Variants in THRB observed in about 807,000 individuals in gnomAD.
THRB encodes thyroid hormone receptor beta.
THRB carries 12 observed loss-of-function variants against 47.8 expected under a neutral mutation model. That is an observed-to-expected ratio of 0.25 (90% CI 0.16 to 0.41). The LOEUF is 0.41. THRB is among the 10% of genes least tolerant of loss of function. THRB has a pLI of 1.00. For synonymous variants in THRB, 218 were observed against 212.2 expected, an observed-to-expected ratio of 1.03 and a Z score of -0.24; for missense variants, 348 against 589.2, an observed-to-expected ratio of 0.59 and a Z score of 4.24.
chr3:24,182,424 T>G (rs969529084), intron 5 of THRB, among the ~76,000 whole-genome samples: 2 of 152,176 alleles, frequency 1.3e-5, no homozygotes, highest in Non-Finnish European at 2.9e-5. Flanking sequence ...TATCTGATTT[T>G]GTCTGAAAAC....
chr3:24,313,323 G>C (rs1018586061), intron 2 of THRB, among the ~76,000 whole-genome samples: 6 of 152,142 alleles, frequency 3.9e-5, no homozygotes, highest in African/African-American at 1.4e-4. Context: ...TTCCTTGAAG[G>C]TGAGGGACCC....
At chr3:24,390,407 G>A (rs1416155791) in intron 1 of THRB, among the ~76,000 whole-genome samples, 1 of 151,832 alleles carries the variant, frequency 6.6e-6, no homozygotes. Flanking sequence ...TGACATATCA[G>A]CATATATAAT....
In THRB at chr3:24,301,406, A is replaced by G. The variant is rs150332412; in HGVS notation, c.-188-4035T>C. ...GTGCTTTTCTGTGAGTTAACTACTT[A>G]TATCTTTTCCCCATTTTCCCTACTG... On this transcript the variant is annotated intron_variant, in intron 2 of 10. Transcript: ENST00000646209. Among the ~76,000 whole-genome samples, 446 of 152,234 alleles carry G rather than the reference A, an allele frequency of 2.9e-3. 1 individual carries two copies. The highest frequency in any genetic ancestry group is 3.6e-3 in the Non-Finnish European group (246 of 68,016).
intron 3 of THRB, among the ~76,000 whole-genome samples, chr3:24,273,928 T>C (rs140220877): frequency 6.6e-6 from 1 of 152,236 alleles, no homozygotes; most frequent in Non-Finnish European, 1.5e-5. Context: ...GCCTATCCTT[T>C]ATTTTTCTTG....
At chr3:24,373,432 G>C in intron 1 of THRB, among the ~76,000 whole-genome samples, 1 of 152,088 alleles carries the variant, frequency 6.6e-6, no homozygotes, top group East Asian at 1.9e-4. Context: ...CAAACATGCA[G>C]ACACTCCAGG....
intron 3 of THRB, among the ~76,000 whole-genome samples, chr3:24,254,334 G>T (rs1304647383): frequency 6.7e-6 from 1 of 149,878 alleles, no homozygotes; most frequent in Admixed American, 6.7e-5. Context: ...GGCAAAGCTT[G>T]CAGTGAGCCC....
intron 3 of THRB, among the ~76,000 whole-genome samples, chr3:24,284,650 C>T (rs1211908396): frequency 2.7e-5 from 4 of 149,566 alleles, no homozygotes; most frequent in South Asian, 2.1e-4. Context: ...AGGCAACCTA[C>T]AGAATGGGAG....
At chr3:24,465,578 A>T (rs916586025) in intron 1 of THRB, among the ~76,000 whole-genome samples, 1 of 151,978 alleles carries the variant, frequency 6.6e-6, no homozygotes. Context: ...TAATTTTTGT[A>T]TGTTTAGTAG....
rs2034170379 is a variant in THRB at position 24,133,465 on chromosome 3, A to G, written c.739-3T>C. On this transcript the variant is annotated splice_region_variant and splice_polypyrimidine_tract_variant and intron_variant, in intron 8 of 10. Transcript: ENST00000646209. ...GGTGCTTGTCCAATGTCTTCTGGCT[A>G]AGGAGGAGAAAAAAGAAAGATTTAA... The G allele has an allele frequency of 1.2e-6, 2 of 1,613,920 alleles. No homozygotes were observed. The highest frequency in any genetic ancestry group is 1.7e-6 in the Non-Finnish European group (2 of 1,179,810).
chr3:24,304,908 G>T (rs2057232023), intron 2 of THRB, among the ~76,000 whole-genome samples: 1 of 152,118 alleles, frequency 6.6e-6, no homozygotes, highest in Admixed American at 6.5e-5. Context: ...AGAAAAAATG[G>T]ATGATTTCTT....
chr3:24,362,569 A>G (rs1030659050), intron 1 of THRB, among the ~76,000 whole-genome samples: 34 of 152,058 alleles, frequency 2.2e-4, no homozygotes, highest in African/African-American at 7.5e-4. Context: ...TTTTAAATGG[A>G]CTCTCATCCA....
chr3:24,238,435 G>GTTTGTTGTTTTT (rs2049138710), intron 3 of THRB, among the ~76,000 whole-genome samples: 6 of 152,074 alleles, frequency 3.9e-5, no homozygotes, highest in Non-Finnish European at 7.4e-5. Context: ...TGAGACACAT[G>GTTTGTTGTTTTT]CATGAAAAAC....
intron 3 of THRB, among the ~76,000 whole-genome samples, chr3:24,272,831 T>A (rs1412059509): frequency 6.6e-6 from 1 of 152,242 alleles, no homozygotes; most frequent in African/African-American, 2.4e-5. Context: ...ATTCGCAGGA[T>A]TATTTTACTC....
rs570855116 is a variant in THRB at position 24,141,167 on chromosome 3, A to C, written c.738+2334T>G. ...AATAAAACTCTCTTGTGCATGGGTA[A>C]TCTCATGGTTCTGACAGAAGCCTAA... On this transcript the variant is annotated intron_variant, in intron 8 of 10. Transcript: ENST00000646209. 6.0e-4 allele frequency among the ~76,000 whole-genome samples: 91 copies of C among 152,352 alleles called. 2 individuals carry two copies. Among genetic ancestry groups the C allele is most frequent in the Non-Finnish European group, 1.6e-4 (11 of 68,034 alleles).
intron 1 of THRB, among the ~76,000 whole-genome samples, chr3:24,472,307 A>T (rs1281834362): frequency 6.6e-6 from 1 of 152,200 alleles, no homozygotes; most frequent in Non-Finnish European, 1.5e-5. Context: ...TTCATTCCAG[A>T]GAGTACTAAA....
intron 3 of THRB, among the ~76,000 whole-genome samples, chr3:24,245,590 C>A (rs553582348): frequency 3.9e-5 from 6 of 152,124 alleles, no homozygotes; most frequent in African/African-American, 1.4e-4. Context: ...AGGGACCACG[C>A]CAATTTTCTC....
Position 24,379,453 on chromosome 3 carries a change from C to CT in THRB, c.-260-42083dup, listed in dbSNP as rs751056081. 3.4e-4 allele frequency among the ~76,000 whole-genome samples: 51 copies of CT among 152,184 alleles called. 1 individual carries two copies. Among genetic ancestry groups the CT allele is most frequent in the Admixed American group, 6.5e-4 (10 of 15,278 alleles). ...CCATGTCTCAAGCCAAGAGAAACTC[C>CT]TAAGTCTGCTCAAAGTAGAAAAGTT... On this transcript the variant is annotated intron_variant, in intron 1 of 10. Coordinates refer to ENST00000646209, the MANE Select transcript of THRB (RefSeq NM_001354712.2).
intron 1 of THRB, among the ~76,000 whole-genome samples, chr3:24,401,974 C>T (rs2067439295): frequency 6.6e-6 from 1 of 152,028 alleles, no homozygotes; most frequent in Admixed American, 6.6e-5. Flanking sequence ...ACCTGAGCTA[C>T]CACCTGCAGG....
At chr3:24,264,765 A>T (rs2052463215) in intron 3 of THRB, among the ~76,000 whole-genome samples, 1 of 149,856 alleles carries the variant, frequency 6.7e-6, no homozygotes. Context: ...TTTGACACTT[A>T]GAGAACCCCC....
Sources: gnomAD v4.1 joint callset for allele counts (sites outside exome capture counted in the v4.1 genomes callset) on GRCh38, gnomAD v4.1.1 for gene constraint, MANE v1.5 for transcripts, NCBI Gene and HGNC (gene_info 2026-07-23, HGNC 2026-07-21) for gene names.